The following AP3B1 variants were observed in gnomAD, a reference collection of about 807,000 sequenced individuals.
The protein encoded by AP3B1 is AP-3 complex subunit beta-1.
Under a neutral mutation model 132.5 loss-of-function variants are expected in AP3B1, and 61 were observed. The ratio of observed to expected loss-of-function variants is 0.46; its 90% CI spans 0.37 to 0.57. AP3B1 has a LOEUF of 0.57. Among genes scored for constraint, AP3B1 ranks in the 20% least tolerant of loss-of-function variants. AP3B1 has a pLI of 0.00. For missense variants in AP3B1, 1,120 were observed against 1,289.4 expected (o/e 0.87, Z 2.01); for synonymous variants, 388 against 438.3 (o/e 0.89, Z 1.43).
intron 19 of AP3B1, among the ~76,000 whole-genome samples, chr5:78,112,843 A>T (rs1751655557): frequency 6.6e-6 from 1 of 152,214 alleles, no homozygotes; most frequent in African/African-American, 2.4e-5. Context: ...ATTTACTGGT[A>T]ACTAGGTTTT....
chr5:78,033,104 T>C (rs1747647754), intron 24 of AP3B1, among the ~76,000 whole-genome samples: 1 of 152,128 alleles, frequency 6.6e-6, no homozygotes, highest in Admixed American at 6.5e-5. Context: ...AATTTTGGTC[T>C]AACTTGGTAC....
intron 11 of AP3B1, among the ~76,000 whole-genome samples, chr5:78,174,063 T>C (rs1294478008): frequency 6.6e-6 from 1 of 152,198 alleles, no homozygotes; most frequent in African/African-American, 2.4e-5. Context: ...CTACACTGTT[T>C]ATTCTAGTTA....
At position 78,089,431 on chromosome 5, in the gene AP3B1, C is replaced by T. The variant is rs1203530258; in HGVS notation, c.2539G>A (p.Glu847Lys). The T allele has an allele frequency of 5.0e-6, 8 of 1,613,166 alleles. No homozygotes were observed. Among genetic ancestry groups the T allele is most frequent in the Non-Finnish European group, 5.9e-6 (7 of 1,179,404 alleles). The stretch of plus-strand genomic sequence containing the variant: ...GAGGAAGTTGACAAGTGTAAACCTT[C>T]AAGATCAGCCATCAAACTTGGAGAA... ...ALSPSLMADL[E>K]GLHLSTSSSV... is the part of the protein sequence containing the mutation. The change falls in exon 22 of 27, where the codon GAA becomes AAA. Residue 847 changes from glutamate to lysine, a missense_variant. Transcript: ENST00000255194.
At chr5:78,070,925 T>C (rs1749512431) in intron 22 of AP3B1, among the ~76,000 whole-genome samples, 1 of 152,150 alleles carries the variant, frequency 6.6e-6, no homozygotes, top group African/African-American at 2.4e-5. Context: ...CTGGCGAAGC[T>C]ATGAAGAAAT....
intron 20 of AP3B1, among the ~76,000 whole-genome samples, chr5:78,103,516 G>T (rs1032951749): frequency 1.3e-5 from 2 of 152,140 alleles, no homozygotes; most frequent in Non-Finnish European, 2.9e-5. Flanking sequence ...CAAACACATT[G>T]ACAGATCACC....
rs115729866 is a variant in AP3B1, at chr5:78,245,698, C to G, written c.205-4762G>C. 5.9e-3 allele frequency among the ~76,000 whole-genome samples: 893 copies of G among 152,304 alleles called. 10 individuals are homozygous for G. Among genetic ancestry groups the G allele is most frequent in the African/African-American group, 0.02 (813 of 41,552 alleles). On this transcript the variant is annotated intron_variant, in intron 2 of 26. Transcript: ENST00000255194. The stretch of plus-strand genomic sequence containing the variant: ...ATAACATACTTCTCCCACCCTCTCT[C>G]CCTTCTGCTTTAGGTAAAAACCCTG...
rs760624841 is a variant in AP3B1 at position 78,156,342 on chromosome 5, A to C, written c.1389T>G (p.Val463=). 1.1e-5 allele frequency: 17 copies of C among 1,613,216 alleles called. No homozygotes were observed. The highest frequency in any genetic ancestry group is 1.4e-5 in the Non-Finnish European group (17 of 1,179,402). ...GCATTTGCAGTAATTTCTTTATAAC[A>C]ACCACACTTTCAGCAACAACTATTT... The part of the protein sequence containing the change: ...RDEIVVAESV[V]VIKKLLQMQP... Residue 463 remains valine (V), a synonymous_variant, in exon 14 of 27, where the codon GTT becomes GTG. Transcript: ENST00000255194.
chr5:78,236,096 G>C (rs536820417), intron 3 of AP3B1, among the ~76,000 whole-genome samples: 44 of 152,106 alleles, frequency 2.9e-4, no homozygotes, highest in African/African-American at 1.0e-3. Context: ...AAAACAAATA[G>C]ACCAATAATT....
intron 1 of AP3B1, among the ~76,000 whole-genome samples, chr5:78,279,209 T>C (rs1748933741): frequency 6.6e-6 from 1 of 152,198 alleles, no homozygotes; most frequent in Admixed American, 6.5e-5. Context: ...AGTTATGAGA[T>C]ATGGGATTGG....
chr5:78,042,730 T>G (rs1386850391), intron 22 of AP3B1: 1 of 161,936 alleles, frequency 6.2e-6, no homozygotes, highest in African/African-American at 2.4e-5. Context: ...GGATTAAAGT[T>G]GAGATACTCT....
At chr5:78,289,522 G>A (rs896173075) in intron 1 of AP3B1, among the ~76,000 whole-genome samples, 4 of 152,258 alleles carry the variant, frequency 2.6e-5, no homozygotes, top group African/African-American at 7.2e-5. Flanking sequence ...ACCTTTCAAC[G>A]TGTGCAGGAG....
chr5:78,210,576 G>A (rs902426980), intron 7 of AP3B1, among the ~76,000 whole-genome samples: 5 of 152,020 alleles, frequency 3.3e-5, no homozygotes, highest in East Asian at 3.9e-4. Flanking sequence ...TACATAACCC[G>A]GATTCATATT....
Position 78,023,260 on chromosome 5 carries a change from A to C in AP3B1, c.2895-2471T>G, listed in dbSNP as rs371726433. Among the ~76,000 whole-genome samples the C allele has an allele frequency of 1.1e-4, 16 of 152,308 alleles. No individual in the cohort carries two copies. In the East Asian group the frequency reaches 1.9e-3, roughly 18 times the overall value. The stretch of plus-strand genomic sequence containing the variant: ...CCCAGGAAGAGATATTCAGCAGATA[A>C]TTGGAAATACAAATCAAGAATCTGG... On this transcript the variant is annotated intron_variant, in intron 24 of 26. Coordinates refer to ENST00000255194, the MANE Select transcript of AP3B1 (RefSeq NM_003664.5).
At position 78,022,356 on chromosome 5, in the gene AP3B1, A is replaced by T. The variant is rs184681603; in HGVS notation, c.2895-1567T>A. On this transcript the variant is annotated intron_variant, in intron 24 of 26. Transcript: ENST00000255194. ...ATGTGGAAAGCATTCTGCAGGAATG[A>T]AGGCTAAGTTTACTTCCAAGAGGAG... Among the ~76,000 whole-genome samples, 731 of 152,298 alleles carry T rather than the reference A, an allele frequency of 4.8e-3. 6 individuals are homozygous for T. The highest frequency in any genetic ancestry group is 8.6e-3 in the Admixed American group (131 of 15,290).
intron 22 of AP3B1, among the ~76,000 whole-genome samples, chr5:78,080,710 A>T (rs1287335280): frequency 1.4e-5 from 2 of 146,288 alleles, no homozygotes; most frequent in African/African-American, 2.5e-5. Context: ...TAAAAATTTT[A>T]AAAATAAGCT....
intron 21 of AP3B1, among the ~76,000 whole-genome samples, chr5:78,097,011 TGGGGGGG>T (rs1750848439): frequency 1.2e-5 from 1 of 85,170 alleles, no homozygotes; most frequent in African/African-American, 5.3e-5. Flanking sequence ...GGGAGGGAGG[TGGGGGGG>T]TCAGCCCCCC....
At chr5:78,208,891 A>G (rs1225683813) in intron 7 of AP3B1, among the ~76,000 whole-genome samples, 1 of 150,962 alleles carries the variant, frequency 6.6e-6, no homozygotes. Context: ...TAATATTCAT[A>G]AATCATAGGA....
At chr5:78,108,380 TATA>T (rs1446682330) in intron 20 of AP3B1, among the ~76,000 whole-genome samples, 23 of 152,290 alleles carry the variant, frequency 1.5e-4, no homozygotes, top group South Asian at 2.1e-4. Flanking sequence ...AATTGCATGG[TATA>T]CACCAAATCA....
At chr5:78,113,618 T>A (rs930035728) in intron 19 of AP3B1, 134 bp downstream of exon 19, 1 of 994,590 alleles carries the variant, frequency 1.0e-6, no homozygotes, top group African/African-American at 1.6e-5. Context: ...ACTTTAATTT[T>A]AAAAAGATTT....
Sources: allele counts gnomAD v4.1 joint callset (sites outside exome capture counted in the v4.1 genomes callset), GRCh38; gene constraint gnomAD v4.1.1; transcripts MANE v1.5; gene names NCBI Gene and HGNC (gene_info 2026-07-23, HGNC 2026-07-21).